The following TBC1D1 variants were observed in gnomAD, a reference collection of about 807,000 sequenced individuals.
The protein encoded by TBC1D1 is TBC1 domain family member 1.
Under a neutral mutation model 125.6 loss-of-function variants are expected in TBC1D1, and 89 were observed. The ratio of observed to expected loss-of-function variants is 0.71; its 90% confidence interval spans 0.60 to 0.85. The LOEUF (loss-of-function observed/expected upper bound fraction) is 0.85, where lower values mean the gene tolerates loss of function less well. TBC1D1 is among the 40% of genes least tolerant of loss of function. TBC1D1 has a pLI of 0.00. For synonymous variants in TBC1D1, 565 were observed against 564.1 expected, an observed-to-expected ratio of 1.00 and a Z score of -0.02; for missense variants, 1,377 against 1,469.2, an observed-to-expected ratio of 0.94 and a Z score of 1.03.
At position 37,963,990 on chromosome 4, in the gene TBC1D1, C is replaced by G. The variant is rs192765275; in HGVS notation, c.418-50519C>G. Among the ~76,000 whole-genome samples the G allele has an allele frequency of 1.4e-4, 22 of 152,318 alleles. No individual in the cohort carries two copies. In the East Asian group the frequency reaches 4.2e-3, roughly 29 times the overall value. ...TAGCTTTCATAGCACCCTCTCTTTT[C>G]CTTCTCACTGCATTTATCACCCAGT... On this transcript the variant is annotated intron_variant, in intron 2 of 19. Coordinates refer to ENST00000261439, the MANE Select transcript of TBC1D1 (RefSeq NM_015173.4).
At chr4:37,984,829 G>A (rs1163465176) in intron 2 of TBC1D1, among the ~76,000 whole-genome samples, 2 of 147,604 alleles carry the variant, frequency 1.4e-5, no homozygotes, top group Non-Finnish European at 3.0e-5. Flanking sequence ...GTGACAGAGT[G>A]AGACCCTGTC....
rs547965473 is a variant in TBC1D1, at chr4:38,116,528, G to A, written c.2802+574G>A. Among the ~76,000 whole-genome samples, 11 of 152,226 alleles carry A rather than the reference G, an allele frequency of 7.2e-5. No individual in the cohort carries two copies. In the East Asian group the frequency reaches 2.1e-3, roughly 29 times the overall value. On this transcript the variant is annotated intron_variant, in intron 16 of 19. Coordinates refer to ENST00000261439, the MANE Select transcript of TBC1D1 (RefSeq NM_015173.4). ...ATCTTGTTTCCATAATCATCTCCCT[G>A]TCTATTTTCTGATTTTTCATAGCCT...
At chr4:38,017,283 A>T (rs919732975) in intron 3 of TBC1D1, among the ~76,000 whole-genome samples, 1 of 152,252 alleles carries the variant, frequency 6.6e-6, no homozygotes, top group East Asian at 1.9e-4. Flanking sequence ...GTTGTTTACA[A>T]ATAAGGAGGA....
At chr4:37,952,106 G>T (rs754015738) in intron 2 of TBC1D1, 1 of 716,634 alleles carries the variant, frequency 1.4e-6, no homozygotes, top group Non-Finnish European at 2.6e-6. Context: ...TGTCAGCAAC[G>T]TGAAGCTTGC....
At chr4:38,077,938 C>CTG (rs1560746574) in intron 12 of TBC1D1, among the ~76,000 whole-genome samples, 3 of 151,970 alleles carry the variant, frequency 2.0e-5, no homozygotes, top group African/African-American at 7.3e-5. Context: ...TCAGGTTGTC[C>CTG]TGTGTTGACA....
Position 38,059,157 on chromosome 4 carries a change from T to G in TBC1D1, c.2050+4819T>G, listed in dbSNP as rs1444938217. 2.0e-5 allele frequency among the ~76,000 whole-genome samples: 3 copies of G among 152,344 alleles called. No homozygotes were observed. The East Asian group carries it at 5.8e-4, about 29-fold the overall frequency. ...AGGAAGTTAATTTATATTTAGAAAT[T>G]TGCTTGCATATGTCTAGTAGCTCCA... On this transcript the variant is annotated intron_variant, in intron 12 of 19. Coordinates refer to ENST00000261439, the MANE Select transcript of TBC1D1 (RefSeq NM_015173.4).
At chr4:37,996,156 TAC>T in intron 2 of TBC1D1, 1 of 418,178 alleles carries the variant, frequency 2.4e-6, no homozygotes, top group Non-Finnish European at 4.8e-6. Flanking sequence ...TGAAGACATG[TAC>T]CTGGGTGTGG....
chr4:38,134,505 G>C (rs1387312542), intron 19 of TBC1D1, among the ~76,000 whole-genome samples: 4 of 152,228 alleles, frequency 2.6e-5, no homozygotes, highest in Non-Finnish European at 1.5e-5. Flanking sequence ...TGAAGAGCCT[G>C]TCTGGCCTGT....
chr4:38,006,220 T>TA (rs1351380206), intron 2 of TBC1D1, among the ~76,000 whole-genome samples: 1 of 152,176 alleles, frequency 6.6e-6, no homozygotes, highest in East Asian at 1.9e-4. Context: ...CTTTTTTTTT[T>TA]ATGTATTCAT....
chr4:37,917,272 A>G (rs1719929798), intron 2 of TBC1D1, among the ~76,000 whole-genome samples: 1 of 150,732 alleles, frequency 6.6e-6, no homozygotes, highest in African/African-American at 2.4e-5. Context: ...TCAGGAGTTC[A>G]AGACCAGCCT....
chr4:38,021,605 C>T lies in TBC1D1; in HGVS notation c.1097C>T (p.Thr366Ile). Residue 366 changes from threonine (T) to isoleucine (I), a missense_variant, in exon 6 of 20, where the codon ACC becomes ATC. Around this residue, in one of 3 missense-constraint regions of TBC1D1, gnomAD observed 822 missense variants for 824.6 expected, o/e 1.00. Transcript: ENST00000261439. ...GATTAGGTTGATGAAATTATGATGA[C>T]CCTGAAACAGGCCTTCACGGTGGCC... The T allele has an allele frequency of 6.3e-7, 1 of 1,578,034 alleles. No homozygotes were observed. Among genetic ancestry groups the T allele is most frequent in the Non-Finnish European group, 8.6e-7 (1 of 1,163,922 alleles).
intron 16 of TBC1D1, among the ~76,000 whole-genome samples, chr4:38,116,931 A>G (rs578262404): frequency 3.3e-5 from 5 of 152,358 alleles, no homozygotes; most frequent in Admixed American, 3.3e-4. Context: ...ACCTGTGAAC[A>G]TGGACCACGT....
intron 2 of TBC1D1, among the ~76,000 whole-genome samples, chr4:37,929,768 C>T (rs1348512300): frequency 6.6e-6 from 1 of 152,140 alleles, no homozygotes; most frequent in Admixed American, 6.5e-5. Context: ...TGTAGTCCTC[C>T]CTAACGTGAA....
chr4:37,968,227 G>T (rs1731409512), intron 2 of TBC1D1, among the ~76,000 whole-genome samples: 1 of 152,180 alleles, frequency 6.6e-6, no homozygotes, highest in South Asian at 2.1e-4. Flanking sequence ...GAGAAAAAAA[G>T]GCATCCCCAA....
chr4:37,921,904 TAA>T (rs35617746), intron 2 of TBC1D1, among the ~76,000 whole-genome samples: 3 of 148,944 alleles, frequency 2.0e-5, no homozygotes, highest in Non-Finnish European at 4.5e-5. Context: ...CCAGCTAATT[TAA>T]AAAAAAAAAT....
At position 38,044,412 on chromosome 4, in the gene TBC1D1, C is replaced by A. The variant is rs1215725363; in HGVS notation, c.1464C>A (p.Ala488=). The A allele has an allele frequency of 6.2e-7, 1 of 1,613,408 alleles. No individual in the cohort carries two copies. The highest frequency in any genetic ancestry group is 8.5e-7 in the Non-Finnish European group (1 of 1,179,892). The change falls in exon 9 of 20, where the codon GCC becomes GCA. Residue 488 remains alanine (A), a synonymous_variant. Transcript: ENST00000261439. The stretch of plus-strand genomic sequence containing the variant: ...TTGGAAGTGAATTACCACCCAGTGC[C>A]ACTCGATTTAGGCTAGATATGCTGA...
intron 2 of TBC1D1, among the ~76,000 whole-genome samples, chr4:37,941,131 C>T (rs1005727376): frequency 4.6e-5 from 7 of 152,118 alleles, no homozygotes; most frequent in Non-Finnish European, 8.8e-5. Context: ...TGGTAGAATT[C>T]GGCTGTGAAT....
chr4:37,957,283 T>C (rs894408222), intron 2 of TBC1D1, among the ~76,000 whole-genome samples: 26 of 152,198 alleles, frequency 1.7e-4, no homozygotes, highest in African/African-American at 6.0e-4. Flanking sequence ...ATTAAAGTAA[T>C]AAATAACACT....
intron 1 of TBC1D1, among the ~76,000 whole-genome samples, chr4:37,894,145 C>T (rs967041998): frequency 9.2e-5 from 14 of 151,992 alleles, no homozygotes; most frequent in East Asian, 1.9e-4. Context: ...TGCTCTACCA[C>T]GGCCGGCTAA....
Sources: allele counts gnomAD v4.1 joint callset (sites outside exome capture counted in the v4.1 genomes callset), GRCh38; gene constraint gnomAD v4.1.1; regional missense constraint gnomAD v4.1.1; transcripts MANE v1.5; gene names NCBI Gene and HGNC (gene_info 2026-07-23, HGNC 2026-07-21).